The following ADAMTSL1 variants were observed in gnomAD, a reference collection of about 807,000 sequenced individuals.
ADAMTSL1 encodes the protein ADAMTS like 1, also known as ADAMTS-like protein 1.
A neutral mutation model predicts 201.8 loss-of-function variants in ADAMTSL1; 126 were observed. The observed-to-expected ratio is 0.62, with a 90% confidence interval of 0.54 to 0.72. ADAMTSL1 has a LOEUF of 0.72. Among genes scored for constraint, ADAMTSL1 ranks in the 30% least tolerant of loss-of-function variants. The probability of loss-of-function intolerance (pLI) is 0.00; values close to 1 mark genes in which losing one functional copy is unlikely to be tolerated. For missense variants in ADAMTSL1, 2,679 were observed against 2,277.8 expected, an observed-to-expected ratio of 1.18 and a Z score of -3.59; for synonymous variants, 1,121 against 903.4, an observed-to-expected ratio of 1.24 and a Z score of -4.32.
chr9:18,514,167 C>T (rs1004169096), intron 2 of ADAMTSL1, among the ~76,000 whole-genome samples: 2 of 152,022 alleles, frequency 1.3e-5, no homozygotes, highest in African/African-American at 4.8e-5. Flanking sequence ...TAATTTCTTT[C>T]AGTAATGTTT....
intron 16 of ADAMTSL1, among the ~76,000 whole-genome samples, chr9:18,768,113 T>G (rs1164846642): frequency 6.6e-6 from 1 of 152,270 alleles, no homozygotes; most frequent in Non-Finnish European, 1.5e-5. Context: ...AATCATGGGC[T>G]GGCTCCTGCC....
At chr9:18,441,602 A>T (rs1006631030) in intron 2 of ADAMTSL1, among the ~76,000 whole-genome samples, 11 of 152,218 alleles carry the variant, frequency 7.2e-5, no homozygotes, top group African/African-American at 2.7e-4. Context: ...AAACAAAGCT[A>T]AAGCCTCATG....
intron 1 of ADAMTSL1, among the ~76,000 whole-genome samples, chr9:18,116,185 A>G (rs1032504529): frequency 6.6e-6 from 1 of 152,172 alleles, no homozygotes; most frequent in African/African-American, 2.4e-5. Context: ...TTCACTGCAT[A>G]AACAGTGAAC....
intron 1 of ADAMTSL1, among the ~76,000 whole-genome samples, chr9:18,027,521 T>G (rs2131596938): frequency 6.6e-6 from 1 of 152,070 alleles, no homozygotes; most frequent in South Asian, 2.1e-4. Context: ...AATTGTGTGG[T>G]TTTGAGAGAT....
chr9:18,555,453 TC>T (rs1396725129), intron 3 of ADAMTSL1, among the ~76,000 whole-genome samples: 1 of 152,018 alleles, frequency 6.6e-6, no homozygotes, highest in Non-Finnish European at 1.5e-5. Flanking sequence ...TCTCAGAGTT[TC>T]TAGTCCTACA....
At position 18,510,739 on chromosome 9, in the gene ADAMTSL1, T is replaced by C. The variant is rs138148443; in HGVS notation, c.191+5783T>C. 1.6e-3 allele frequency among the ~76,000 whole-genome samples: 237 copies of C among 152,090 alleles called. 1 individual carries two copies. Among genetic ancestry groups the C allele is most frequent in the African/African-American group, 5.4e-3 (224 of 41,488 alleles). On this transcript the variant is annotated intron_variant, in intron 2 of 28. Transcript: ENST00000380548. ...TAATCTAGTATCGCTAAGTAGAATA[T>C]AATACCTGTTTTTATTTTTCATTAA...
chr9:18,573,892 A>G (rs1214212617), intron 3 of ADAMTSL1, 138 bp from the exon 4 acceptor site: 1 of 658,564 alleles, frequency 1.5e-6, no homozygotes, highest in Non-Finnish European at 2.7e-6. Context: ...CTCTAAGATG[A>G]TATTATAAGT....
In ADAMTSL1 at chr9:18,376,528, G is replaced by A. The variant is rs77471700; in HGVS notation, c.208-128301G>A. Among the ~76,000 whole-genome samples, 462 of 152,318 alleles carry A rather than the reference G, an allele frequency of 3.0e-3. 2 individuals are homozygous for A. The highest frequency in any genetic ancestry group is 0.01 in the African/African-American group (428 of 41,582). Reference sequence around the variant, plus strand: ...AATAGAAATAAAAGACTTAGGGCCCGGGGCGGTGGCTCATGCCTGTAATCC... The same window carrying A: ...AATAGAAATAAAAGACTTAGGGCCCAGGGCGGTGGCTCATGCCTGTAATCC... On this transcript the variant is annotated intron_variant, in intron 2 of 29. Transcript: ENST00000680146.
intron 2 of ADAMTSL1, among the ~76,000 whole-genome samples, chr9:18,225,718 G>T (rs999573865): frequency 3.3e-5 from 5 of 152,018 alleles, no homozygotes; most frequent in African/African-American, 1.2e-4. Flanking sequence ...TAATGCTGAG[G>T]ATAATTCATG....
At chr9:18,028,646 C>T (rs2131599362) in intron 1 of ADAMTSL1, among the ~76,000 whole-genome samples, 1 of 152,214 alleles carries the variant, frequency 6.6e-6, no homozygotes, top group Non-Finnish European at 1.5e-5. Context: ...CAGTACCATC[C>T]TATTTTGGTT....
chr9:18,696,455 A>T (rs112079580), intron 13 of ADAMTSL1, among the ~76,000 whole-genome samples: 5 of 152,332 alleles, frequency 3.3e-5, no homozygotes, highest in African/African-American at 1.2e-4. Flanking sequence ...ACCTTGGGAG[A>T]AAGTTTGTCT....
chr9:18,652,030 T>A (rs552593297), intron 7 of ADAMTSL1, among the ~76,000 whole-genome samples: 15 of 152,152 alleles, frequency 9.9e-5, no homozygotes, highest in Non-Finnish European at 1.6e-4. Flanking sequence ...AAAGACTAGA[T>A]AGACAGTTTT....
At chr9:18,385,705 T>G (rs773994571) in intron 2 of ADAMTSL1, among the ~76,000 whole-genome samples, 3 of 152,226 alleles carry the variant, frequency 2.0e-5, no homozygotes, top group Non-Finnish European at 4.4e-5. Flanking sequence ...AATTTCACCC[T>G]TCTTTTTAAA....
intron 2 of ADAMTSL1, among the ~76,000 whole-genome samples, chr9:18,218,870 A>G (rs1236108357): frequency 6.6e-6 from 1 of 152,054 alleles, no homozygotes; most frequent in Non-Finnish European, 1.5e-5. Context: ...TTATTATGAA[A>G]CCCTAAAGTT....
chr9:17,928,529 T>C (rs1040878194), intron 1 of ADAMTSL1, among the ~76,000 whole-genome samples: 1 of 152,206 alleles, frequency 6.6e-6, no homozygotes, highest in African/African-American at 2.4e-5. Flanking sequence ...GTATGTAACC[T>C]GCAAATATTG....
At chr9:18,444,608 G>C (rs1348602838) in intron 2 of ADAMTSL1, among the ~76,000 whole-genome samples, 1 of 152,070 alleles carries the variant, frequency 6.6e-6, no homozygotes, top group Non-Finnish European at 1.5e-5. Context: ...GCACACATTA[G>C]TTTCTATTGT....
At chr9:18,318,531 T>C (rs561726065) in intron 2 of ADAMTSL1, among the ~76,000 whole-genome samples, 1 of 152,336 alleles carries the variant, frequency 6.6e-6, no homozygotes, top group East Asian at 1.9e-4. Flanking sequence ...GAAGAACCAC[T>C]GTTTAAAAAC....
In ADAMTSL1 at chr9:18,906,781, A is replaced by G; in HGVS notation, c.5051A>G (p.Asn1684Ser). The G allele has an allele frequency of 6.2e-7, 1 of 1,614,022 alleles. No homozygotes were observed. Among genetic ancestry groups the G allele is most frequent in the South Asian group, 1.1e-5 (1 of 91,088 alleles). ...LWTLCTATCG[N>S]YGFQSRRVEC... ...ACCCTGTGCACAGCTACCTGTGGCA[A>G]CTACGGCTTCCAGTCCCGGCGTGTG... Residue 1684 changes from asparagine (N) to serine (S), a missense_variant, in exon 28 of 29, where the codon AAC becomes AGC. Coordinates refer to ENST00000380548, the MANE Select transcript of ADAMTSL1 (RefSeq NM_001040272.6).
intron 3 of ADAMTSL1, among the ~76,000 whole-genome samples, chr9:18,550,229 T>C (rs538564706): frequency 1.3e-5 from 2 of 151,952 alleles, no homozygotes; most frequent in Non-Finnish European, 2.9e-5. Context: ...ATATGTTACA[T>C]GGCAAAAAGT....
Sources: gnomAD v4.1 joint callset for allele counts (sites outside exome capture counted in the v4.1 genomes callset) on GRCh38, gnomAD v4.1.1 for gene constraint, MANE v1.5 for transcripts, NCBI Gene and HGNC (gene_info 2026-07-23, HGNC 2026-07-21) for gene names.